The following FRMPD4 variants were observed in gnomAD, a reference collection of about 807,000 sequenced individuals.
FRMPD4 encodes the protein FERM and PDZ domain-containing protein 4.
A neutral mutation model predicts 94.1 loss-of-function variants in FRMPD4; 22 were observed. The observed-to-expected ratio is 0.23, with a 90% CI of 0.17 to 0.33. The LOEUF is 0.33. Ranked by LOEUF, FRMPD4 falls within the 10% of genes least tolerant of loss-of-function variation. The probability of loss-of-function intolerance (pLI) is 1.00; values close to 1 mark genes in which losing one functional copy is unlikely to be tolerated. For synonymous variants in FRMPD4, 631 were observed against 548.6 expected, an observed-to-expected ratio of 1.15 and a Z score of -2.10; for missense variants, 1,111 against 1,339.9, an observed-to-expected ratio of 0.83 and a Z score of 2.67.
Position 12,034,504 on chromosome X carries a change from GTTGGA to G in FRMPD4, c.95+156489_95+156493del, listed in dbSNP as rs769096036. On this transcript the variant is annotated intron_variant, in intron 3 of 18. Coordinates refer to the FRMPD4 transcript ENST00000640291. ...CATCTGCTGCTTCCTTCATCTGGGA[GTTGGA>G]TTACCTGAAAAGATTTTCATCTGGT... Among the ~76,000 whole-genome samples the G allele has an allele frequency of 1.2e-3, 137 of 111,997 alleles. 1 individual carries two copies. The highest frequency in any genetic ancestry group is 1.3e-3 in the Non-Finnish European group (70 of 53,175).
intron 1 of FRMPD4, among the ~76,000 whole-genome samples, chrX:11,843,790 A>G (rs1490552064): frequency 3.6e-5 from 4 of 109,853 alleles, no homozygotes; most frequent in African/African-American, 1.3e-4. Flanking sequence ...GACTCAGGTA[A>G]TTCTTCTGCC....
At chrX:12,078,304 C>T (rs554247469) in intron 3 of FRMPD4, among the ~76,000 whole-genome samples, 2 of 112,288 alleles carry the variant, frequency 1.8e-5, no homozygotes, top group Admixed American at 1.9e-4. Context: ...TATAATAATG[C>T]GAATAGCATC....
At chrX:12,030,107 C>T (rs192300155) in intron 3 of FRMPD4, among the ~76,000 whole-genome samples, 9 of 112,113 alleles carry the variant, frequency 8.0e-5, no homozygotes, top group Non-Finnish European at 1.5e-4. Flanking sequence ...ATTGTGGTAA[C>T]GCTAAAAACC....
chrX:12,349,391 G>A (rs1205233564), intron 1 of FRMPD4, among the ~76,000 whole-genome samples: 1 of 110,262 alleles, frequency 9.1e-6, no homozygotes, highest in Non-Finnish European at 1.9e-5. Flanking sequence ...CCTGGGGAGC[G>A]AGGGGGTCGG....
At chrX:12,137,142 G>A (rs977666959), upstream of FRMPD4, among the ~76,000 whole-genome samples, 6 of 111,870 alleles carry the variant, frequency 5.4e-5, no homozygotes, top group African/African-American at 1.9e-4. Flanking sequence ...CGCCCCTTCC[G>A]ATCCTTGAGT....
chrX:12,587,746 G>A lies in FRMPD4; in HGVS notation c.159-21975G>A, dbSNP rs186533999. 2.7e-5 allele frequency among the ~76,000 whole-genome samples: 3 copies of A among 111,088 alleles called. No homozygotes were observed. The East Asian group carries it at 8.5e-4, about 31-fold the overall frequency. On this transcript the variant is annotated intron_variant, in intron 2 of 16. Coordinates refer to ENST00000675598, the MANE Select transcript of FRMPD4 (RefSeq NM_001368397.1). Reference sequence around the variant, plus strand: ...TTCTACCTCTTAGTTCTCATGAATAGTGTTGCTGTAAACGATCATGTACAA... The same window carrying A: ...TTCTACCTCTTAGTTCTCATGAATAATGTTGCTGTAAACGATCATGTACAA...
At chrX:11,997,254 A>G (rs1453201490) in intron 3 of FRMPD4, among the ~76,000 whole-genome samples, 4 of 111,323 alleles carry the variant, frequency 3.6e-5, no homozygotes, top group Non-Finnish European at 7.5e-5. Flanking sequence ...GGAACCAAGC[A>G]AAACTAGGCT....
At chrX:11,898,968 C>T (rs761237841) in intron 3 of FRMPD4, among the ~76,000 whole-genome samples, 16 of 112,400 alleles carry the variant, frequency 1.4e-4, no homozygotes, top group Non-Finnish European at 2.3e-4. Flanking sequence ...ACAAACTCTC[C>T]ACCCTGCAGT....
intron 1 of FRMPD4, among the ~76,000 whole-genome samples, chrX:12,305,232 C>T (rs1342355941): frequency 1.8e-5 from 2 of 111,783 alleles, no homozygotes; most frequent in Admixed American, 9.5e-5. Flanking sequence ...CCCAGGTTTC[C>T]ACAGAGTTAG....
At chrX:11,997,477 A>T (rs747929417) in intron 3 of FRMPD4, among the ~76,000 whole-genome samples, 2 of 111,788 alleles carry the variant, frequency 1.8e-5, no homozygotes, top group Admixed American at 9.5e-5. Flanking sequence ...GCTTACAATA[A>T]TATGCATTTA....
At chrX:12,416,634 C>T (rs2056805041) in intron 1 of FRMPD4, among the ~76,000 whole-genome samples, 1 of 111,939 alleles carries the variant, frequency 8.9e-6, no homozygotes, top group Non-Finnish European at 1.9e-5. Flanking sequence ...GTCGTGTGGT[C>T]GAAGGATATT....
chrX:12,345,344 G>A (rs1387104075), intron 1 of FRMPD4, among the ~76,000 whole-genome samples: 1 of 111,662 alleles, frequency 9.0e-6, no homozygotes, highest in Non-Finnish European at 1.9e-5. Context: ...CCTGGTTATG[G>A]ATGTGTGTGA....
At chrX:12,486,360 T>C (rs2057739323) in intron 1 of FRMPD4, among the ~76,000 whole-genome samples, 1 of 112,019 alleles carries the variant, frequency 8.9e-6, no homozygotes, top group East Asian at 2.8e-4. Context: ...AACAAGATGC[T>C]CAGGTGATTC....
chrX:12,217,651 G>A (rs914868456), intron 1 of FRMPD4, among the ~76,000 whole-genome samples: 10 of 112,015 alleles, frequency 8.9e-5, no homozygotes, highest in African/African-American at 3.2e-4. Flanking sequence ...TTTCCACCCA[G>A]GTCAGAGGTC....
chrX:12,016,840 T>C (rs2054607111), intron 3 of FRMPD4, among the ~76,000 whole-genome samples: 1 of 111,646 alleles, frequency 9.0e-6, no homozygotes, highest in Admixed American at 9.5e-5. Flanking sequence ...CCTCAGCCTG[T>C]CCACACAGGG....
intron 3 of FRMPD4, among the ~76,000 whole-genome samples, chrX:12,073,406 A>T (rs73632670): frequency 0.05 from 5,569 of 111,978 alleles, 357 homozygotes; most frequent in African/African-American, 0.17. Context: ...CCATGAAACT[A>T]GTTGCTGACA....
intron 1 of FRMPD4, among the ~76,000 whole-genome samples, chrX:12,429,423 C>T (rs1432310867): frequency 9.0e-6 from 1 of 111,460 alleles, no homozygotes. Flanking sequence ...GTAACTGTGC[C>T]TCTGACTGCT....
intron 1 of FRMPD4, among the ~76,000 whole-genome samples, chrX:12,295,532 A>G (rs749706775): frequency 2.1e-4 from 23 of 111,964 alleles, no homozygotes; most frequent in Middle Eastern, 4.7e-3. Flanking sequence ...TATTGTTTAA[A>G]TATCGTGTAT....
At chrX:11,852,433 C>A (rs1235453680) in intron 1 of FRMPD4, among the ~76,000 whole-genome samples, 3 of 85,681 alleles carry the variant, frequency 3.5e-5, no homozygotes, top group African/African-American at 1.4e-4. Context: ...CAGAGTGAGA[C>A]CCTGTCTCCA....
Sources: allele counts gnomAD v4.1 joint callset (sites outside exome capture counted in the v4.1 genomes callset), GRCh38; gene constraint gnomAD v4.1.1; transcripts MANE v1.5; gene names NCBI Gene and HGNC (gene_info 2026-07-23, HGNC 2026-07-21).